FHOD3: variants seen among roughly 807,000 people sequenced by gnomAD.
FHOD3 encodes FH1/FH2 domain-containing protein 3.
A neutral mutation model predicts 173.0 loss-of-function variants in FHOD3; 90 were observed. The observed-to-expected ratio is 0.52, with a 90% confidence interval of 0.44 to 0.62. The LOEUF is 0.62. Among genes scored for constraint, FHOD3 ranks in the 20% least tolerant of loss-of-function variants. The probability of loss-of-function intolerance (pLI) is 0.00; values close to 1 mark genes in which losing one functional copy is unlikely to be tolerated. For synonymous variants in FHOD3, 828 were observed against 823.0 expected (o/e 1.01, Z -0.10); for missense variants, 1,945 against 2,034.7 (o/e 0.96, Z 0.85).
At chr18:36,465,345 C>G (rs562694721) in intron 3 of FHOD3, among the ~76,000 whole-genome samples, 1 of 152,066 alleles carries the variant, frequency 6.6e-6, no homozygotes, top group Non-Finnish European at 1.5e-5. Context: ...CAATTAGACA[C>G]GGATCTCATA....
intron 24 of FHOD3, among the ~76,000 whole-genome samples, chr18:36,749,304 A>G (rs1600545340): frequency 6.6e-6 from 1 of 152,174 alleles, no homozygotes; most frequent in Non-Finnish European, 1.5e-5. Flanking sequence ...AGTATCCGAT[A>G]GTTATCTTTT....
chr18:36,298,881 A>C (rs2091882927), intron 1 of FHOD3, among the ~76,000 whole-genome samples: 1 of 152,118 alleles, frequency 6.6e-6, no homozygotes, highest in African/African-American at 2.4e-5. Flanking sequence ...TTACCTAGGA[A>C]AACCCTTACT....
Position 36,612,013 on chromosome 18 carries a change from T to A in FHOD3, c.875T>A (p.Leu292Gln). The change falls in exon 9 of 29, where the codon CTG becomes CAG. Residue 292 changes from leucine (L) to glutamine (Q), a missense_variant. Coordinates refer to ENST00000590592, the MANE Select transcript of FHOD3 (RefSeq NM_001281740.3). ...GACGTCGTGGACTGCCTGGAGGAGCTGGGCATTGCTGCTGTGTCCCAGAGG... is the reference window on the plus strand; with the variant it reads ...GACGTCGTGGACTGCCTGGAGGAGCAGGGCATTGCTGCTGTGTCCCAGAGG... ...FYDVVDCLEE[L>Q]GIAAVSQRHL... The A allele has an allele frequency of 6.2e-7, 1 of 1,614,158 alleles. No individual in the cohort carries two copies. Among genetic ancestry groups the A allele is most frequent in the South Asian group, 1.1e-5 (1 of 91,080 alleles).
intron 14 of FHOD3, among the ~76,000 whole-genome samples, chr18:36,667,783 G>A (rs546001248): frequency 6.6e-6 from 1 of 151,988 alleles, no homozygotes; most frequent in Non-Finnish European, 1.5e-5. Flanking sequence ...CTACACTAAC[G>A]TTATTAAAAA....
chr18:36,355,726 A>G, intron 2 of FHOD3, 81 bp downstream of exon 2: 1 of 1,115,912 alleles, frequency 9.0e-7, no homozygotes, highest in Non-Finnish European at 1.3e-6. Flanking sequence ...AGTATTTAGG[A>G]GGAACTACCA....
intron 3 of FHOD3, among the ~76,000 whole-genome samples, chr18:36,481,794 C>G (rs1003110215): frequency 5.9e-5 from 9 of 152,098 alleles, no homozygotes; most frequent in Non-Finnish European, 1.0e-4. Context: ...AAAAGACATT[C>G]CTTTGCCTCC....
At position 36,740,650 on chromosome 18, in the gene FHOD3, T is replaced by C; in HGVS notation, c.3577-6T>C. The C allele has an allele frequency of 6.2e-7, 1 of 1,611,204 alleles. No homozygotes were observed. Among genetic ancestry groups the C allele is most frequent in the Non-Finnish European group, 8.5e-7 (1 of 1,178,680 alleles). ...GAAAATATACTATATCATCTCCTAT[T>C]TCCAGAAAATTCTAACGATGATTCC... On this transcript the variant is annotated splice_region_variant and splice_polypyrimidine_tract_variant and intron_variant, in intron 20 of 28. Transcript: ENST00000590592.
At chr18:36,576,674 A>G in intron 6 of FHOD3, 129 bp downstream of exon 6, 2 of 577,146 alleles carry the variant, frequency 3.5e-6, no homozygotes, top group Non-Finnish European at 6.0e-6. Flanking sequence ...ATAAATGAGG[A>G]TTACTACTCT....
At chr18:36,487,873 C>T (rs1288361792) in intron 3 of FHOD3, among the ~76,000 whole-genome samples, 1 of 152,168 alleles carries the variant, frequency 6.6e-6, no homozygotes, top group Non-Finnish European at 1.5e-5. Context: ...GTCAGGAGGC[C>T]ACGGAGGATC....
At chr18:36,632,542 C>A (rs1465641344) in intron 10 of FHOD3, among the ~76,000 whole-genome samples, 2 of 152,196 alleles carry the variant, frequency 1.3e-5, no homozygotes, top group African/African-American at 4.8e-5. Flanking sequence ...TGTCTTTTAA[C>A]TGAATTTCTG....
chr18:36,362,984 T>G (rs1316229789), intron 2 of FHOD3, among the ~76,000 whole-genome samples: 1 of 152,088 alleles, frequency 6.6e-6, no homozygotes, highest in Admixed American at 6.5e-5. Flanking sequence ...GGGCAAAAGA[T>G]CTGAACAGAT....
chr18:36,690,639 C>T (rs186732221), intron 16 of FHOD3, among the ~76,000 whole-genome samples: 1 of 152,260 alleles, frequency 6.6e-6, no homozygotes, highest in Non-Finnish European at 1.5e-5. Context: ...AGCCCACCGC[C>T]TTCACCACTC....
At chr18:36,581,837 G>A (rs750039207) in intron 6 of FHOD3, among the ~76,000 whole-genome samples, 67 of 152,284 alleles carry the variant, frequency 4.4e-4, no homozygotes, top group Non-Finnish European at 7.4e-4. Context: ...AATAAGTAAC[G>A]TGGTGTGTAG....
intron 14 of FHOD3, 98 bp from the exon 15 acceptor site, chr18:36,681,338 G>A (rs937398495): frequency 6.9e-6 from 10 of 1,451,778 alleles, no homozygotes; most frequent in Admixed American, 3.9e-5. Context: ...CCTAGGTACC[G>A]GCAGACCCTC....
intron 5 of FHOD3, among the ~76,000 whole-genome samples, chr18:36,565,823 G>A (rs762422649): frequency 3.9e-5 from 6 of 152,176 alleles, no homozygotes; most frequent in Non-Finnish European, 7.4e-5. Flanking sequence ...GGAATCTTGC[G>A]TTTCATGGTG....
chr18:36,453,249 G>A (rs574068726), intron 3 of FHOD3, among the ~76,000 whole-genome samples: 1 of 152,186 alleles, frequency 6.6e-6, no homozygotes, highest in Non-Finnish European at 1.5e-5. Flanking sequence ...TTGGCTTAAT[G>A]CATCTCTGGG....
chr18:36,572,780 C>T (rs527962454), intron 5 of FHOD3, among the ~76,000 whole-genome samples: 4 of 152,084 alleles, frequency 2.6e-5, no homozygotes, highest in Admixed American at 6.6e-5. Context: ...GAGTCTTCCC[C>T]GTGGATATAC....
chr18:36,324,703 C>T (rs537126958), intron 1 of FHOD3, among the ~76,000 whole-genome samples: 5 of 152,146 alleles, frequency 3.3e-5, no homozygotes, highest in South Asian at 2.1e-4. Flanking sequence ...AATGTAAAAG[C>T]GTGATAATCT....
In FHOD3 at chr18:36,718,639, T is replaced by G. The variant is rs2040594811; in HGVS notation, c.3341T>G (p.Leu1114Arg). The part of the protein sequence containing the change: ...RRCREFLWSK[L>R]EPIKVDTSRL... ...TGCAGAGAATTCCTGTGGTCAAAAC[T>G]GGAACCCATTAAGGTGGACACTTCC... is the stretch of plus-strand genomic sequence containing the variant. Residue 1114 changes from leucine (L) to arginine (R), a missense_variant, in exon 19 of 29, where the codon CTG (leucine) becomes CGG (arginine). Transcript: ENST00000590592. 6.2e-7 allele frequency: 1 copy of G among 1,614,046 alleles called. No homozygotes were observed. The highest frequency in any genetic ancestry group is 8.5e-7 in the Non-Finnish European group (1 of 1,180,034).
Sources: allele counts gnomAD v4.1 joint callset (sites outside exome capture counted in the v4.1 genomes callset), GRCh38; gene constraint gnomAD v4.1.1; transcripts MANE v1.5; gene names NCBI Gene and HGNC (gene_info 2026-07-23, HGNC 2026-07-21).